The following ADAMTSL1 variants were observed in gnomAD, a reference collection of about 807,000 sequenced individuals.
ADAMTSL1 encodes the protein ADAMTS-like protein 1.
In ADAMTSL1, 126 loss-of-function variants were observed where a neutral mutation model predicts 201.8. The ratio of observed to expected loss-of-function variants is 0.62; its 90% CI spans 0.54 to 0.72. The LOEUF is 0.72. ADAMTSL1 is among the 30% of genes least tolerant of loss of function. ADAMTSL1 has a pLI of 0.00. For synonymous variants in ADAMTSL1, 1,121 were observed against 903.4 expected, an observed-to-expected ratio of 1.24 and a Z score of -4.32; for missense variants, 2,679 against 2,277.8, an observed-to-expected ratio of 1.18 and a Z score of -3.59.
intron 4 of ADAMTSL1, among the ~76,000 whole-genome samples, chr9:18,574,803 TC>T (rs1229296725): frequency 6.6e-6 from 1 of 152,178 alleles, no homozygotes; most frequent in Non-Finnish European, 1.5e-5. Flanking sequence ...GCCAGTTAAA[TC>T]TTTAAAACAG....
intron 9 of ADAMTSL1, among the ~76,000 whole-genome samples, chr9:18,663,224 G>C (rs2133037665): frequency 6.6e-6 from 1 of 152,172 alleles, no homozygotes; most frequent in African/African-American, 2.4e-5. Context: ...TGAAATTGCT[G>C]TTATTAATTA....
intron 1 of ADAMTSL1, among the ~76,000 whole-genome samples, chr9:18,120,939 C>T (rs1304271852): frequency 6.6e-6 from 1 of 152,094 alleles, no homozygotes; most frequent in African/African-American, 2.4e-5. Flanking sequence ...TAACCCCTTC[C>T]TATATAGACT....
rs984087091 is a variant in ADAMTSL1, at chr9:18,616,032, C to CT, written c.475-6201dup. 2.6e-3 allele frequency among the ~76,000 whole-genome samples: 380 copies of CT among 148,030 alleles called. 2 individuals carry two copies. Among genetic ancestry groups the CT allele is most frequent in the African/African-American group, 8.0e-3 (324 of 40,460 alleles). On this transcript the variant is annotated intron_variant, in intron 4 of 28. Transcript: ENST00000380548. ...ATTTGTTTTGGCTTCTTAAAAATTG[C>CT]TTTTTTTTTTGGAGACAAAGTCTCG...
upstream of ADAMTSL1, among the ~76,000 whole-genome samples, chr9:18,469,959 A>G (rs533341004): frequency 6.6e-6 from 1 of 152,336 alleles, no homozygotes; most frequent in East Asian, 1.9e-4. Context: ...TGTGAAGTTA[A>G]TAAATGTACC....
intron 2 of ADAMTSL1, among the ~76,000 whole-genome samples, chr9:18,195,269 C>T (rs1002050044): frequency 6.6e-6 from 1 of 152,146 alleles, no homozygotes; most frequent in Non-Finnish European, 1.5e-5. Context: ...TCTGTGGGAA[C>T]AGACTATCCA....
chr9:18,773,394 C>CT lies in ADAMTSL1; in HGVS notation c.2398-2349_2398-2348insT, dbSNP rs1490462716. Among the ~76,000 whole-genome samples the CT allele has an allele frequency of 3.3e-5, 5 of 150,290 alleles. No individual in the cohort carries two copies. The East Asian group carries it at 9.9e-4, about 30-fold the overall frequency. Reference sequence around the variant, plus strand: ...TATTTTATGGAAGTTGCTCCTTTCCCCCCAAAAAAAATTCTAAAAGAAAGA... The same window carrying CT: ...TATTTTATGGAAGTTGCTCCTTTCCCTCCCAAAAAAAATTCTAAAAGAAAGA... On this transcript the variant is annotated intron_variant, in intron 17 of 28. Transcript: ENST00000380548.
chr9:18,684,741 G>A lies in ADAMTSL1; in HGVS notation c.1515G>A (p.Leu505=). ...AGAAACTTCCAGTCGAGGCCAAGTT[G>A]CCATGGTTCAAACAAGCTCAAGAGC... is the stretch of plus-strand genomic sequence containing the variant. The part of the protein sequence containing the change: ...PKEKLPVEAK[L]PWFKQAQELE... Residue 505 remains leucine, a synonymous_variant, in exon 13 of 29, where the codon TTG becomes TTA. Coordinates refer to ENST00000380548, the MANE Select transcript of ADAMTSL1 (RefSeq NM_001040272.6). 1 of 1,613,164 alleles carries A rather than the reference G, an allele frequency of 6.2e-7. No homozygotes were observed. Among genetic ancestry groups the A allele is most frequent in the Non-Finnish European group, 8.5e-7 (1 of 1,179,734 alleles).
At chr9:18,181,106 C>T (rs1828453591) in intron 2 of ADAMTSL1, among the ~76,000 whole-genome samples, 1 of 152,134 alleles carries the variant, frequency 6.6e-6, no homozygotes. Context: ...AAACTGGATC[C>T]CTTCCTTACA....
chr9:18,903,032 C>G (rs1399425463), intron 26 of ADAMTSL1, among the ~76,000 whole-genome samples: 1 of 152,018 alleles, frequency 6.6e-6, no homozygotes, highest in Non-Finnish European at 1.5e-5. Flanking sequence ...TGGCAAAACC[C>G]CATCTCTACT....
intron 2 of ADAMTSL1, among the ~76,000 whole-genome samples, chr9:18,267,284 A>G (rs1832156346): frequency 6.6e-6 from 1 of 152,126 alleles, no homozygotes; most frequent in Non-Finnish European, 1.5e-5. Context: ...TCATAGTATG[A>G]GTATCAGCCA....
At chr9:18,322,405 G>C (rs941380644) in intron 2 of ADAMTSL1, among the ~76,000 whole-genome samples, 2 of 152,140 alleles carry the variant, frequency 1.3e-5, no homozygotes, top group African/African-American at 4.8e-5. Flanking sequence ...GGCCGAGGTG[G>C]GTGGCTCATC....
intron 25 of ADAMTSL1, 68 bp from the exon 26 acceptor site, chr9:18,892,321 G>T: frequency 1.3e-6 from 2 of 1,481,702 alleles, no homozygotes; most frequent in East Asian, 2.4e-5. Flanking sequence ...GATGTCGGTG[G>T]GGAGGAGGTC....
chr9:18,858,668 A>G (rs1183913055), intron 23 of ADAMTSL1, among the ~76,000 whole-genome samples: 5 of 152,102 alleles, frequency 3.3e-5, no homozygotes. Context: ...GCTTGGCCAG[A>G]TCCCTGATTA....
At chr9:18,522,192 C>G (rs1410474899) in intron 2 of ADAMTSL1, among the ~76,000 whole-genome samples, 2 of 152,262 alleles carry the variant, frequency 1.3e-5, no homozygotes, top group South Asian at 4.2e-4. Context: ...CTAACAGGTA[C>G]TATGCTCACT....
At chr9:18,208,318 C>T (rs1563808700) in intron 2 of ADAMTSL1, among the ~76,000 whole-genome samples, 1 of 152,046 alleles carries the variant, frequency 6.6e-6, no homozygotes, top group African/African-American at 2.4e-5. Flanking sequence ...TGAAATTGCT[C>T]AACAAAATAA....
chr9:18,383,525 T>A (rs913717783), intron 2 of ADAMTSL1, among the ~76,000 whole-genome samples: 17 of 151,866 alleles, frequency 1.1e-4, no homozygotes, highest in Non-Finnish European at 2.4e-4. Context: ...CATCAGAAAA[T>A]TTTTTAAAGT....
At chr9:17,944,120 T>C (rs531907586) in intron 1 of ADAMTSL1, among the ~76,000 whole-genome samples, 1 of 151,288 alleles carries the variant, frequency 6.6e-6, no homozygotes, top group Admixed American at 6.6e-5. Flanking sequence ...TGGGAACAAA[T>C]ATCCAATTTA....
In ADAMTSL1 at chr9:18,065,937, C is replaced by T. The variant is rs574872764; in HGVS notation, c.88-97925C>T. ...CGGAGGTTGCAGTGAGCCGAGATCG[C>T]CCCCACTGCACTCCAGCTTCAGCTT... is the stretch of plus-strand genomic sequence containing the variant. On this transcript the variant is annotated intron_variant, in intron 1 of 29. Coordinates refer to the ADAMTSL1 transcript ENST00000680146. Among the ~76,000 whole-genome samples the T allele has an allele frequency of 4.8e-5, 7 of 144,928 alleles. No individual in the cohort carries two copies. In the South Asian group the frequency reaches 1.6e-3, roughly 33 times the overall value.
chr9:18,241,622 A>G (rs1222224971), intron 2 of ADAMTSL1, among the ~76,000 whole-genome samples: 2 of 152,206 alleles, frequency 1.3e-5, no homozygotes, highest in African/African-American at 2.4e-5. Flanking sequence ...AAACAAAATG[A>G]CAAACCTTAG....
Sources: gnomAD v4.1 joint callset for allele counts (sites outside exome capture counted in the v4.1 genomes callset) on GRCh38, gnomAD v4.1.1 for gene constraint, MANE v1.5 for transcripts, NCBI Gene and HGNC (gene_info 2026-07-23, HGNC 2026-07-21) for gene names.